Variants in ALG12 observed in about 807,000 individuals in gnomAD.
ALG12 encodes ALG12 alpha-1,6-mannosyltransferase, also known as dol-P-Man:Man(7)GlcNAc(2)-PP-Dol alpha-1,6-mannosyltransferase.
ALG12 carries 36 observed loss-of-function variants against 46.0 expected under a neutral mutation model. That is an observed-to-expected ratio of 0.78 (90% CI 0.60 to 1.03). ALG12 has a LOEUF of 1.03. Among genes scored for constraint, ALG12 ranks in the 50% least tolerant of loss-of-function variants. The probability of loss-of-function intolerance (pLI) is 0.00; values close to 1 mark genes in which losing one functional copy is unlikely to be tolerated. For missense variants in ALG12, 599 were observed against 633.5 expected (o/e 0.95, Z 0.58); for synonymous variants, 326 against 291.6 (o/e 1.12, Z -1.20).
rs2060539958 is a variant in ALG12 at position 49,905,984 on chromosome 22, A to AGGCCCTG, written c.993-1485_993-1479dup. On this transcript the variant is annotated intron_variant, in intron 7 of 9. Transcript: ENST00000330817. The surrounding 1 kb of genome is among the most constrained non-coding windows in gnomAD (Gnocchi z 4.9). The stretch of plus-strand genomic sequence containing the variant: ...ACCTTCCACCCCCAGGACTGTCTCA[A>AGGCCCTG]GGCCCTGGGCCCTGACACCGTGGGA... Among the ~76,000 whole-genome samples the AGGCCCTG allele has an allele frequency of 6.6e-6, 1 of 152,124 alleles. No individual in the cohort carries two copies. Among genetic ancestry groups the AGGCCCTG allele is most frequent in the African/African-American group, 2.4e-5 (1 of 41,434 alleles).
chr22:49,869,457 T>TA, the ALG12 span, among the ~76,000 whole-genome samples: 53 of 152,242 alleles, frequency 3.5e-4, no homozygotes, highest in Admixed American at 4.6e-4. Context: ...GTGGGTCACT[T>TA]AGAGACACGT....
At chr22:49,904,087 G>A (rs751242491) in intron 9 of ALG12, 21 bp from the exon 10 acceptor site, 2 of 1,614,048 alleles carry the variant, frequency 1.2e-6, no homozygotes, top group Admixed American at 1.7e-5. Flanking sequence ...AGAGCTGGTG[G>A]TCCTGCCCAG....
the ALG12 span, chr22:49,884,974 C>T: frequency 4.3e-6 from 7 of 1,613,400 alleles, no homozygotes; most frequent in Admixed American, 5.0e-5. Flanking sequence ...TGGGCTGAGT[C>T]CTAGATTGTT....
At chr22:49,883,798 CAGG>C in the ALG12 span, 1 of 1,613,092 alleles carries the variant, frequency 6.2e-7, no homozygotes, top group Non-Finnish European at 8.5e-7. Context: ...TAAAAGCGAG[CAGG>C]AGGACATGAA....
chr22:49,899,607 A>C (rs1009859775), downstream of ALG12, among the ~76,000 whole-genome samples: 1 of 152,146 alleles, frequency 6.6e-6, no homozygotes, highest in African/African-American at 2.4e-5. Context: ...GCAATACCCA[A>C]TGCAACCAAT....
At chr22:49,897,967 A>G (rs866324058), downstream of ALG12, among the ~76,000 whole-genome samples, 6 of 149,596 alleles carry the variant, frequency 4.0e-5, no homozygotes, top group African/African-American at 1.2e-4. Flanking sequence ...CCTCAATCAC[A>G]TTGTTTTCTT....
downstream of ALG12, among the ~76,000 whole-genome samples, chr22:49,896,290 GCT>G (rs1303407135): frequency 3.3e-5 from 5 of 152,252 alleles, no homozygotes; most frequent in Non-Finnish European, 7.3e-5. Context: ...CCCGTGAGAT[GCT>G]CTTTTTCTTC....
chr22:49,912,206 T>C (rs2060582363), intron 3 of ALG12, among the ~76,000 whole-genome samples: 2 of 151,346 alleles, frequency 1.3e-5, no homozygotes, highest in South Asian at 2.1e-4. Context: ...GATTTTGGCC[T>C]GTGGCAGGGG....
the ALG12 span, among the ~76,000 whole-genome samples, chr22:49,871,762 T>A: frequency 0.089 from 13,330 of 149,238 alleles, 1,827 homozygotes; most frequent in African/African-American, 0.29. Flanking sequence ...TATTTATTTT[T>A]TTTTTTTTTT....
chr22:49,884,228 T>A, the ALG12 span: 4 of 1,602,726 alleles, frequency 2.5e-6, no homozygotes, highest in South Asian at 4.5e-5. Flanking sequence ...TCACTCCTGC[T>A]TCCACCACAG....
At chr22:49,886,501 A>T in the ALG12 span, 15 of 1,566,634 alleles carry the variant, frequency 9.6e-6, no homozygotes, top group African/African-American at 2.0e-4. The surrounding 1 kb of genome is among the most constrained non-coding windows in gnomAD (Gnocchi z 7.7). Flanking sequence ...GAGCCGGGAG[A>T]TGAGCACGCA....
At chr22:49,897,725 T>C (rs140349099), downstream of ALG12, among the ~76,000 whole-genome samples, 192 of 148,830 alleles carry the variant, frequency 1.3e-3, no homozygotes, top group African/African-American at 4.5e-3. Flanking sequence ...TGCCGTGCTG[T>C]GGTGCAGTCT....
At chr22:49,889,756 C>T in the ALG12 span, 20 of 167,346 alleles carry the variant, frequency 1.2e-4, no homozygotes, top group African/African-American at 4.8e-4. Context: ...CCAGTGCTGA[C>T]AGTCACACGA....
At chr22:49,916,454 G>A (rs560270600) in intron 1 of ALG12, among the ~76,000 whole-genome samples, 11 of 151,950 alleles carry the variant, frequency 7.2e-5, no homozygotes, top group Admixed American at 2.0e-4. Context: ...GGTGGTGTGC[G>A]CCTGTAATCC....
chr22:49,884,915 A>G, the ALG12 span: 4 of 1,603,040 alleles, frequency 2.5e-6, no homozygotes, highest in East Asian at 2.2e-5. Context: ...TCATCTTCCG[A>G]TGACATAGGG....
At chr22:49,910,941 G>A (rs1054033036) in intron 3 of ALG12, among the ~76,000 whole-genome samples, 2 of 152,208 alleles carry the variant, frequency 1.3e-5, no homozygotes, top group Non-Finnish European at 2.9e-5. Context: ...CATCTCCAGG[G>A]GAAATGTTTG....
In ALG12 at chr22:49,909,255, A is replaced by G. The variant is rs1355769635; in HGVS notation, c.757T>C (p.Ser253Pro). ...ACACTGAAGGATACCCCCCAGTTGG[A>G]GCTTTTGTTCAGGACAGTGTTGTAC... ...LWYNTVLNKS[S>P]NWGTSPLLWY... is the part of the protein sequence containing the mutation. Residue 253 changes from serine to proline, a missense_variant, in exon 6 of 10, where the codon TCC (serine) becomes CCC (proline). Ser to Pro is a moderately conservative substitution (Grantham distance 74, BLOSUM62 -1). Transcript: ENST00000330817. 1 of 1,614,220 alleles carries G rather than the reference A, an allele frequency of 6.2e-7. No homozygotes were observed. Among genetic ancestry groups the G allele is most frequent in the Admixed American group, 1.7e-5 (1 of 60,022 alleles).
the ALG12 span, among the ~76,000 whole-genome samples, chr22:49,891,234 A>G: frequency 1.3e-5 from 2 of 152,308 alleles, no homozygotes; most frequent in African/African-American, 2.4e-5. Context: ...ATCTCCTGTT[A>G]TAATTCAAGG....
the ALG12 span, among the ~76,000 whole-genome samples, chr22:49,870,031 G>A: frequency 6.6e-6 from 1 of 152,076 alleles, no homozygotes; most frequent in Non-Finnish European, 1.5e-5. Flanking sequence ...TTATGTCCCT[G>A]TGTACCACAT....
Sources: allele counts gnomAD v4.1 joint callset (sites outside exome capture counted in the v4.1 genomes callset), GRCh38; gene constraint gnomAD v4.1.1; non-coding constraint Gnocchi (gnomAD v3.1); transcripts MANE v1.5; gene names NCBI Gene and HGNC (gene_info 2026-07-23, HGNC 2026-07-21).